Variants in CIPC observed in about 807,000 individuals in gnomAD.
The protein encoded by CIPC is CLOCK interacting pacemaker.
In CIPC, 12 loss-of-function variants were observed where a neutral mutation model predicts 26.7. The ratio of observed to expected loss-of-function variants is 0.45; its 90% CI spans 0.29 to 0.73. CIPC has a LOEUF of 0.73. CIPC is among the 30% of genes least tolerant of loss of function. The probability of loss-of-function intolerance (pLI) is 0.12; values close to 1 mark genes in which losing one functional copy is unlikely to be tolerated. For missense variants in CIPC, 417 were observed against 486.5 expected (o/e 0.86, Z 1.34); for synonymous variants, 170 against 189.8 (o/e 0.90, Z 0.86).
chr14:77,107,650 A>T (rs1194453868), intron 2 of CIPC, among the ~76,000 whole-genome samples: 4 of 136,218 alleles, frequency 2.9e-5, no homozygotes, highest in South Asian at 2.3e-4. Flanking sequence ...ACACACACAC[A>T]CACACACACT....
chr14:77,113,933 C>T lies in CIPC; in HGVS notation c.815C>T (p.Thr272Ile). 4 of 1,614,246 alleles carry T rather than the reference C, an allele frequency of 2.5e-6. No homozygotes were observed. The highest frequency in any genetic ancestry group is 3.4e-6 in the Non-Finnish European group (4 of 1,180,054). ...AGTCCTGTCTGCGCATCAGACAGCACTCTCCATGGGTTAGAGAGCAACTCT... is the reference window on the plus strand; with the variant it reads ...AGTCCTGTCTGCGCATCAGACAGCATTCTCCATGGGTTAGAGAGCAACTCT... Reference protein sequence around the residue: ...PASPVCASDSTLHGLESNSPL... With the variant: ...PASPVCASDSILHGLESNSPL... The change falls in exon 4 of 4, where the codon ACT becomes ATT. Residue 272 changes from threonine (T) to isoleucine (I), a missense_variant. Physicochemically the swap from Thr to Ile is moderately conservative, Grantham distance 89 (BLOSUM62 -1). Coordinates refer to ENST00000361786, the MANE Select transcript of CIPC (RefSeq NM_033426.3).
intron 1 of CIPC, among the ~76,000 whole-genome samples, chr14:77,103,353 C>T (rs1163702494): frequency 1.3e-5 from 2 of 152,212 alleles, no homozygotes; most frequent in Non-Finnish European, 1.5e-5. Flanking sequence ...AATGTCCAGA[C>T]TTGGCACTCC....
chr14:77,111,410 T>A (rs532354396), intron 3 of CIPC, among the ~76,000 whole-genome samples: 7 of 152,330 alleles, frequency 4.6e-5, no homozygotes, highest in Non-Finnish European at 5.9e-5. Flanking sequence ...TTTCGTTTTT[T>A]AAAAACATAC....
At chr14:77,101,504 T>C (rs573030457) in intron 1 of CIPC, among the ~76,000 whole-genome samples, 5 of 152,330 alleles carry the variant, frequency 3.3e-5, no homozygotes, top group African/African-American at 1.2e-4. Flanking sequence ...TTACATTCTT[T>C]ATTTCCAACT....
At chr14:77,098,904 G>T (rs1886417301) in intron 1 of CIPC, among the ~76,000 whole-genome samples, 1 of 152,236 alleles carries the variant, frequency 6.6e-6, no homozygotes, top group South Asian at 2.1e-4. Flanking sequence ...TGGTGTCGGG[G>T]GTAGTGTTTC....
intron 2 of CIPC, among the ~76,000 whole-genome samples, chr14:77,107,539 T>C (rs899669987): frequency 2.0e-5 from 3 of 152,046 alleles, no homozygotes; most frequent in African/African-American, 7.2e-5. Flanking sequence ...CATTTGTAGT[T>C]CAAAAAATTT....
intron 1 of CIPC, among the ~76,000 whole-genome samples, chr14:77,100,966 G>A (rs1886471782): frequency 6.6e-6 from 1 of 152,152 alleles, no homozygotes; most frequent in Admixed American, 6.5e-5. Flanking sequence ...CCCAATTAGG[G>A]TAAATTCTGA....
chr14:77,110,552 T>A (rs1284960557), intron 3 of CIPC, among the ~76,000 whole-genome samples: 1 of 152,214 alleles, frequency 6.6e-6, no homozygotes, highest in Non-Finnish European at 1.5e-5. Flanking sequence ...TGGAAACACA[T>A]CCTGTTTGGG....
Position 77,114,633 on chromosome 14 carries a change from C to T in CIPC, c.*315C>T. On this transcript the variant is annotated 3_prime_UTR_variant, in exon 4 of 4. Coordinates refer to ENST00000361786, the MANE Select transcript of CIPC (RefSeq NM_033426.3). ...TGTGTGGGGCTCTTCCTGCTGTCAC[C>T]TCCCATCATCCCACTCTCTCACCAG... The T allele has an allele frequency of 3.6e-6, 1 of 281,672 alleles. No homozygotes were observed. The highest frequency in any genetic ancestry group is 6.2e-5 in the South Asian group (1 of 16,228). The allele number at this position is 281,672 out of a possible 1,614,324, so 17.4% of individuals were successfully genotyped here. A position where few individuals can be genotyped will look rare whatever the true frequency, so the allele number is the denominator to read the frequency against.
At chr14:77,099,859 T>C (rs1451680929) in intron 1 of CIPC, 2 of 151,736 alleles carry the variant, frequency 1.3e-5, no homozygotes, top group Non-Finnish European at 2.9e-5. Flanking sequence ...GAATAAGGGG[T>C]AGATCAAATA....
In CIPC at chr14:77,113,951, G is replaced by A. The variant is rs1049736911; in HGVS notation, c.833G>A (p.Ser278Asn). ...ASDSTLHGLE[S>N]NSPLSPLSAN... ...GACAGCACTCTCCATGGGTTAGAGA[G>A]CAACTCTCCCCTTTCACCACTGTCC... The change falls in exon 4 of 4, where the codon AGC becomes AAC. Residue 278 changes from serine to asparagine, a missense_variant. Physicochemically the swap from Ser to Asn is conservative, Grantham distance 46. Coordinates refer to ENST00000361786, the MANE Select transcript of CIPC (RefSeq NM_033426.3). 4 of 1,614,240 alleles carry A rather than the reference G, an allele frequency of 2.5e-6. No homozygotes were observed. The highest frequency in any genetic ancestry group is 3.4e-6 in the Non-Finnish European group (4 of 1,180,052).
Position 77,114,237 on chromosome 14 carries a change from C to G in CIPC, c.1119C>G (p.Ala373=). 6.2e-7 allele frequency: 1 copy of G among 1,614,096 alleles called. No homozygotes were observed. The highest frequency in any genetic ancestry group is 8.5e-7 in the Non-Finnish European group (1 of 1,180,012). The part of the protein sequence containing the change: ...ATKSRAPQAW[A]KLQASLTPGS... ...AGAGCAGGGCCCCTCAGGCTTGGGCCAAGCTGCAGGCATCTTTAACACCTG... is the reference window on the plus strand; with the variant it reads ...AGAGCAGGGCCCCTCAGGCTTGGGCGAAGCTGCAGGCATCTTTAACACCTG... Residue 373 remains alanine, a synonymous_variant, in exon 4 of 4, where the codon GCC becomes GCG. Coordinates refer to ENST00000361786, the MANE Select transcript of CIPC (RefSeq NM_033426.3).
Position 77,105,037 on chromosome 14 carries a change from T to C in CIPC, c.-52-620T>C, listed in dbSNP as rs74761916. Among the ~76,000 whole-genome samples the C allele has an allele frequency of 4.7e-3, 720 of 152,346 alleles. 9 individuals carry two copies. Among genetic ancestry groups the C allele is most frequent in the African/African-American group, 0.017 (689 of 41,570 alleles). ...ATAGCAACGCATATTATAAGCTCTT[T>C]ATTATATATGATTTTATTTGCCCAT... is the stretch of plus-strand genomic sequence containing the variant. On this transcript the variant is annotated intron_variant, in intron 1 of 3. Transcript: ENST00000361786.
intron 2 of CIPC, chr14:77,106,161 G>T (rs960729195): frequency 1.6e-5 from 3 of 184,540 alleles, no homozygotes; most frequent in Non-Finnish European, 3.3e-5. Context: ...TTTTTCACAG[G>T]AATTATTACA....
Position 77,114,739 on chromosome 14 carries a change from A to G in CIPC, c.*421A>G, listed in dbSNP as rs148508483. 6.8e-4 allele frequency: 114 copies of G among 167,192 alleles called. No individual in the cohort carries two copies. The highest frequency in any genetic ancestry group is 3.5e-3 in the Admixed American group (64 of 18,198). 10.4% of individuals were successfully genotyped at this position (167,192 alleles called of 1,614,324 possible). A position where few individuals can be genotyped will look rare whatever the true frequency, so the allele number is the denominator to read the frequency against. ...GAGTAGGTGACACAAGGAAACCTTC[A>G]TGGATCTTCCCTTGCCTGTCTTAGT... is the stretch of plus-strand genomic sequence containing the variant. On this transcript the variant is annotated 3_prime_UTR_variant, in exon 4 of 4. Coordinates refer to ENST00000361786, the MANE Select transcript of CIPC (RefSeq NM_033426.3).
At position 77,117,274 on chromosome 14, in the gene CIPC, TTAC is replaced by T. The variant is rs1886829706; in HGVS notation, c.*2958_*2960del. On this transcript the variant is annotated 3_prime_UTR_variant, in exon 4 of 4. Transcript: ENST00000361786. ...AATGTCAGAGAAAAATAAAAGTCACTTACTTGAAACCTATTTGGCCTTTTTGCT... is the reference window on the plus strand; with the variant it reads ...AATGTCAGAGAAAAATAAAAGTCACTTTGAAACCTATTTGGCCTTTTTGCT... The T allele has an allele frequency of 6.6e-6, 1 of 152,638 alleles. No homozygotes were observed. The highest frequency in any genetic ancestry group is 2.1e-4 in the South Asian group (1 of 4,832). The allele number at this position is 152,638 out of a possible 1,614,324, so 9.5% of individuals were successfully genotyped here. A position where few individuals can be genotyped will look rare whatever the true frequency, so the allele number is the denominator to read the frequency against.
intron 2 of CIPC, among the ~76,000 whole-genome samples, chr14:77,106,998 C>T (rs1331691948): frequency 1.3e-5 from 2 of 152,216 alleles, no homozygotes; most frequent in African/African-American, 4.8e-5. Context: ...ATATTGATCA[C>T]CAGATCTCCC....
At chr14:77,106,872 G>A (rs921285303) in intron 2 of CIPC, among the ~76,000 whole-genome samples, 8 of 152,152 alleles carry the variant, frequency 5.3e-5, no homozygotes, top group Non-Finnish European at 7.3e-5. Context: ...CCTGCCCAGG[G>A]CCAGGACAGT....
chr14:77,110,733 A>G (rs1313234266), intron 3 of CIPC, among the ~76,000 whole-genome samples: 1 of 152,268 alleles, frequency 6.6e-6, no homozygotes, highest in Non-Finnish European at 1.5e-5. Flanking sequence ...ATTTCAGCCA[A>G]AGAAATTTAA....
Sources: allele counts gnomAD v4.1 joint callset (sites outside exome capture counted in the v4.1 genomes callset), GRCh38; gene constraint gnomAD v4.1.1; transcripts MANE v1.5; gene names NCBI Gene and HGNC (gene_info 2026-07-23, HGNC 2026-07-21).